The following HP1BP3 variants were observed in gnomAD, a reference collection of about 807,000 sequenced individuals.
HP1BP3 encodes heterochromatin protein 1 binding protein 3.
In HP1BP3, 12 loss-of-function variants were observed where a neutral mutation model predicts 62.5. The observed-to-expected ratio is 0.19, with a 90% CI of 0.12 to 0.31. The LOEUF (loss-of-function observed/expected upper bound fraction) is 0.31, where lower values mean the gene tolerates loss of function less well. Ranked by LOEUF, HP1BP3 falls within the 10% of genes least tolerant of loss-of-function variation. HP1BP3 has a pLI of 1.00. For missense variants in HP1BP3, 502 were observed against 651.8 expected (o/e 0.77, Z 2.50); for synonymous variants, 260 against 237.8 (o/e 1.09, Z -0.86).
intron 6 of HP1BP3, among the ~76,000 whole-genome samples, chr1:20,770,645 T>C (rs1425924759): frequency 6.6e-6 from 1 of 152,076 alleles, no homozygotes; most frequent in Non-Finnish European, 1.5e-5. Flanking sequence ...GTAGGATTCC[T>C]TACCTCTTTT....
intron 7 of HP1BP3, among the ~76,000 whole-genome samples, chr1:20,766,529 A>G (rs2056791844): frequency 6.6e-6 from 1 of 152,260 alleles, no homozygotes; most frequent in African/African-American, 2.4e-5. Flanking sequence ...TTATTATTGT[A>G]GAAATACTTT....
At chr1:20,764,561 T>A (rs1172100633) in intron 8 of HP1BP3, among the ~76,000 whole-genome samples, 1 of 151,682 alleles carries the variant, frequency 6.6e-6, no homozygotes, top group African/African-American at 2.4e-5. Context: ...ACTCTTTTAA[T>A]GTTGTCAACT....
intron 11 of HP1BP3, 40 bp downstream of exon 11, chr1:20,747,504 C>T (rs773554087): frequency 9.0e-6 from 11 of 1,215,796 alleles, no homozygotes; most frequent in Middle Eastern, 1.9e-4. Flanking sequence ...GTAACTTAGA[C>T]TATAAATTTA....
chr1:20,745,178 G>T lies in HP1BP3; in HGVS notation c.1368-87C>A, dbSNP rs544579263. 2.8e-6 allele frequency: 4 copies of T among 1,412,024 alleles called. No individual in the cohort carries two copies. In the South Asian group the frequency reaches 5.7e-5, roughly 20 times the overall value. 87.5% of individuals were successfully genotyped at this position (1,412,024 alleles called of 1,614,324 possible). Reference sequence around the variant, plus strand: ...AACCAGATGCTTTCTAAAGAGAAACGGCATATGAAGTGGTCACTTACGTTA... The same window carrying T: ...AACCAGATGCTTTCTAAAGAGAAACTGCATATGAAGTGGTCACTTACGTTA... On this transcript the variant is annotated intron_variant, in intron 12 of 12. Transcript: ENST00000438032.
intron 5 of HP1BP3, among the ~76,000 whole-genome samples, chr1:20,772,804 A>C (rs191345891): frequency 6.6e-6 from 1 of 152,374 alleles, no homozygotes; most frequent in East Asian, 1.9e-4. Flanking sequence ...CAATAAAGGC[A>C]ATGTCAAATT....
Position 20,744,913 on chromosome 1 carries a change from T to G in HP1BP3, c.1546A>C (p.Ile516Leu), listed in dbSNP as rs143662289. ...AKKTRPSSTV[I>L]KKPSGGSSKK... Reference sequence around the variant, plus strand: ...GAGGAGCCACCACTAGGTTTCTTGATGACTGTGGATGAGGGTCTGGTCTTC... The same window carrying G: ...GAGGAGCCACCACTAGGTTTCTTGAGGACTGTGGATGAGGGTCTGGTCTTC... Residue 516 changes from isoleucine to leucine, a missense_variant, in exon 13 of 13, where the codon ATC becomes CTC. By Grantham distance (5) the Ile-to-Leu change is conservative. Coordinates refer to ENST00000438032, the MANE Select transcript of HP1BP3 (RefSeq NM_001372052.1). 11,661 of 1,614,226 alleles carry G rather than the reference T, an allele frequency of 7.2e-3. 108 individuals are homozygous for G. The highest frequency in any genetic ancestry group is 0.037 in the Middle Eastern group (224 of 6,060).
Position 20,744,830 on chromosome 1 carries a change from G to A in HP1BP3, c.1629C>T (p.Ser543=), listed in dbSNP as rs199808787. The A allele has an allele frequency of 6.2e-7, 1 of 1,612,836 alleles. No homozygotes were observed. The highest frequency in any genetic ancestry group is 2.2e-5 in the East Asian group (1 of 44,874). Residue 543 remains serine, a synonymous_variant, in exon 13 of 13, where the codon TCC becomes TCT. Coordinates refer to ENST00000438032, the MANE Select transcript of HP1BP3 (RefSeq NM_001372052.1). The part of the protein sequence containing the change: ...KEVKLPGKGK[S]TMKKSFRVKK ...TCACTCTGAAAGACTTCTTCATGGT[G>A]GATTTGCCCTTGCCCGGCAATTTTA...
intron 8 of HP1BP3, 37 bp from the exon 9 acceptor site, chr1:20,757,293 C>T: frequency 1.5e-6 from 2 of 1,298,600 alleles, no homozygotes; most frequent in Non-Finnish European, 2.2e-6. Flanking sequence ...GTGATAAATA[C>T]ATTAATGAAA....
chr1:20,747,350 G>T (rs2055402843), intron 11 of HP1BP3, among the ~76,000 whole-genome samples, 194 bp downstream of exon 11: 1 of 152,064 alleles, frequency 6.6e-6, no homozygotes, highest in East Asian at 1.9e-4. Context: ...AGACTTTTCA[G>T]ATACATGGAT....
chr1:20,772,884 T>C (rs1570649490), intron 5 of HP1BP3, among the ~76,000 whole-genome samples: 1 of 152,312 alleles, frequency 6.6e-6, no homozygotes, highest in Middle Eastern at 3.4e-3. Flanking sequence ...CATAAATCTA[T>C]GTAAGGAGGA....
rs1454164668 is a variant in HP1BP3 at position 20,740,914 on chromosome 1, G to C, written c.*3883C>G. ...GATTAGGGGTACTGTTTAACCATCT[G>C]TAATGGCTTCTAAACAAATCTTTGT... On this transcript the variant is annotated 3_prime_UTR_variant, in exon 13 of 13. Coordinates refer to ENST00000438032, the MANE Select transcript of HP1BP3 (RefSeq NM_001372052.1). 6.6e-6 allele frequency among the ~76,000 whole-genome samples: 1 copy of C among 152,210 alleles called. No homozygotes were observed. The highest frequency in any genetic ancestry group is 2.4e-5 in the African/African-American group (1 of 41,456).
At chr1:20,786,054 A>G (rs2057807641) in intron 1 of HP1BP3, 2 of 152,226 alleles carry the variant, frequency 1.3e-5, no homozygotes, top group Non-Finnish European at 2.9e-5. Context: ...GAGAACGTGC[A>G]CGCGGATGCG....
At chr1:20,762,142 A>T (rs140231480) in intron 8 of HP1BP3, among the ~76,000 whole-genome samples, 512 of 152,374 alleles carry the variant, frequency 3.4e-3, no homozygotes, top group African/African-American at 0.011. Flanking sequence ...TTAAATGTGT[A>T]TATGAAAGGA....
At chr1:20,746,732 G>A (rs2055363041) in intron 11 of HP1BP3, among the ~76,000 whole-genome samples, 1 of 152,106 alleles carries the variant, frequency 6.6e-6, no homozygotes, top group Non-Finnish European at 1.5e-5. Context: ...TCCCCACTTG[G>A]TATTGGACAA....
chr1:20,766,949 G>C (rs866836759), intron 7 of HP1BP3, among the ~76,000 whole-genome samples: 1 of 143,588 alleles, frequency 7.0e-6, no homozygotes, highest in South Asian at 2.2e-4. Flanking sequence ...TCTTAGAAAA[G>C]AAAACAAACA....
In HP1BP3 at chr1:20,745,006, C is replaced by G; in HGVS notation, c.1453G>C (p.Ala485Pro). 1 of 1,614,160 alleles carries G rather than the reference C, an allele frequency of 6.2e-7. No individual in the cohort carries two copies. Among genetic ancestry groups the G allele is most frequent in the South Asian group, 1.1e-5 (1 of 91,084 alleles). Residue 485 changes from alanine (A) to proline (P), a missense_variant, in exon 13 of 13, where the codon GCT becomes CCT. Physicochemically the swap from Ala to Pro is conservative, Grantham distance 27. This residue lies in a region of HP1BP3 where 194 missense variants were observed against 207.0 expected (regional missense o/e 0.94). Coordinates refer to ENST00000438032, the MANE Select transcript of HP1BP3 (RefSeq NM_001372052.1). ...RGSKPAPKVS[A>P]AQRGKARPLP... The stretch of plus-strand genomic sequence containing the variant: ...GGCCTAGCTTTCCCCCGCTGGGCAG[C>G]TGAGACTTTAGGTGCAGGTTTGGAC...
chr1:20,755,260 G>A (rs2056029492), intron 9 of HP1BP3: 2 of 354,780 alleles, frequency 5.6e-6, no homozygotes, highest in Non-Finnish European at 1.2e-5. Context: ...CAAACGTTGA[G>A]GAGGATATGG....
chr1:20,750,899 C>A (rs1031741861), intron 9 of HP1BP3, among the ~76,000 whole-genome samples: 10 of 144,580 alleles, frequency 6.9e-5, no homozygotes, highest in Non-Finnish European at 1.3e-4. Flanking sequence ...CTCACTGCAA[C>A]CTCGGTCTCC....
rs1344228036 is a variant in HP1BP3, at chr1:20,742,465, C to A, written c.*2332G>T. On this transcript the variant is annotated 3_prime_UTR_variant, in exon 13 of 13. Transcript: ENST00000438032. Reference sequence around the variant, plus strand: ...TAAAATACAAAATGATTTTTTAAACCTTTGATTCATTAAGTAATTAGCATT... The same window carrying A: ...TAAAATACAAAATGATTTTTTAAACATTTGATTCATTAAGTAATTAGCATT... 6.6e-6 allele frequency among the ~76,000 whole-genome samples: 1 copy of A among 151,926 alleles called. No homozygotes were observed. Among genetic ancestry groups the A allele is most frequent in the Non-Finnish European group, 1.5e-5 (1 of 67,984 alleles).
Sources: gnomAD v4.1 joint callset for allele counts (sites outside exome capture counted in the v4.1 genomes callset) on GRCh38, gnomAD v4.1.1 for gene constraint, gnomAD v4.1.1 regional missense constraint, MANE v1.5 for transcripts, NCBI Gene and HGNC (gene_info 2026-07-23, HGNC 2026-07-21) for gene names.